The following ZNF345 variants were observed in gnomAD, a reference collection of about 807,000 sequenced individuals.
The protein encoded by ZNF345 is zinc finger protein 345, also known as zinc finger protein HZF10.
For missense variants in ZNF345, 527 were observed against 589.9 expected (o/e 0.89, Z 1.10); for synonymous variants, 166 against 187.9 (o/e 0.88, Z 0.95).
chr19:36,879,272 A>G lies in ZNF345; in HGVS notation c.*975A>G, dbSNP rs1049667073. ...TTGTTTACTTTCCTTTTATAAAATT[A>G]TACTCTCCATTTTAGCAAAACAGCT... On this transcript the variant is annotated 3_prime_UTR_variant, in exon 3 of 3. Coordinates refer to ENST00000420450, the MANE Select transcript of ZNF345 (RefSeq NM_001242472.2). 1.2e-5 allele frequency: 2 copies of G among 167,100 alleles called. No homozygotes were observed. The highest frequency in any genetic ancestry group is 2.4e-5 in the African/African-American group (1 of 41,458). The allele number at this position is 167,100 out of a possible 1,614,324, so 10.4% of individuals were successfully genotyped here.
downstream of ZNF345, among the ~76,000 whole-genome samples, chr19:36,881,759 G>A (rs571074): frequency 0.24 from 36,317 of 151,964 alleles, 6,078 homozygotes; most frequent in African/African-American, 0.47. Context: ...CTTTAAATAT[G>A]AAACTAATTT....
In ZNF345 at chr19:36,872,926, T is replaced by C. The variant is rs796548809; in HGVS notation, c.-46-3859T>C. ...TTTTATCCTATTGACGATTTTTAAA[T>C]GGTGATTTTCAGGTTCCTCCGTTTC... is the stretch of plus-strand genomic sequence containing the variant. On this transcript the variant is annotated intron_variant, in intron 2 of 2. Transcript: ENST00000420450. 3.3e-5 allele frequency among the ~76,000 whole-genome samples: 5 copies of C among 149,288 alleles called. No individual in the cohort carries two copies. The East Asian group carries it at 9.6e-4, about 29-fold the overall frequency.
rs1180798537 is a variant in ZNF345, at chr19:36,877,685, T to G, written c.855T>G (p.Pro285=). The G allele has an allele frequency of 6.2e-7, 1 of 1,613,534 alleles. No homozygotes were observed. Among genetic ancestry groups the G allele is most frequent in the South Asian group, 1.1e-5 (1 of 91,042 alleles). The change falls in exon 3 of 3, where the codon CCT becomes CCG. Residue 285 remains proline, a synonymous_variant. Transcript: ENST00000420450. ...RHQRIHTGEK[P]YVCKECGKAF... ...AAAGAATTCATACTGGTGAGAAACC[T>G]TATGTATGTAAGGAATGTGGGAAGG...
chr19:36,858,759 CTG>C (rs1366662232), intron 2 of ZNF345, among the ~76,000 whole-genome samples: 1 of 152,032 alleles, frequency 6.6e-6, no homozygotes, highest in Non-Finnish European at 1.5e-5. Flanking sequence ...GAGTAAGATG[CTG>C]TCTCAAAAAA....
At chr19:36,861,174 C>A (rs1027953185) in intron 2 of ZNF345, among the ~76,000 whole-genome samples, 8 of 152,178 alleles carry the variant, frequency 5.3e-5, no homozygotes, top group Admixed American at 1.3e-4. Flanking sequence ...GTTCCTTTGA[C>A]TTGTCTCCAT....
intron 3 of ZNF345, among the ~76,000 whole-genome samples, chr19:36,885,660 C>CCCG (rs972781040): frequency 2.9e-4 from 44 of 151,992 alleles, no homozygotes; most frequent in African/African-American, 9.2e-4. Context: ...TCACATCTTG[C>CCCG]CTGGGATTAC....
intron 2 of ZNF345, among the ~76,000 whole-genome samples, chr19:36,868,603 C>T (rs117018981): frequency 1.3e-5 from 2 of 149,962 alleles, no homozygotes; most frequent in Non-Finnish European, 3.0e-5. Context: ...GTACCCATTG[C>T]AGTTCCACAT....
chr19:36,859,907 C>A (rs2072509103), intron 2 of ZNF345, among the ~76,000 whole-genome samples: 1 of 151,486 alleles, frequency 6.6e-6, no homozygotes, highest in East Asian at 1.9e-4. Flanking sequence ...CACAGACACA[C>A]CCTACACACA....
chr19:36,866,849 C>T (rs1437849487), intron 2 of ZNF345, among the ~76,000 whole-genome samples: 5 of 152,182 alleles, frequency 3.3e-5, no homozygotes, highest in African/African-American at 1.2e-4. Context: ...CCGCACCTGG[C>T]CCATGTTGAA....
At chr19:36,862,632 C>G (rs1248929324) in intron 2 of ZNF345, among the ~76,000 whole-genome samples, 1 of 145,718 alleles carries the variant, frequency 6.9e-6, no homozygotes, top group African/African-American at 2.6e-5. Flanking sequence ...CCACTGCATT[C>G]CAACCTGGGC....
Position 36,878,280 on chromosome 19 carries a change from T to C in ZNF345, c.1450T>C (p.Leu484=), listed in dbSNP as rs525345. 4.8e-3 allele frequency: 7,503 copies of C among 1,570,574 alleles called. 303 individuals carry two copies. In the African/African-American group the frequency reaches 0.091, roughly 19 times the overall value. ...KSHNGKKLCE[L]ETIN The stretch of plus-strand genomic sequence containing the variant: ...TCATAATGGTAAGAAACTCTGCGAA[T>C]TGGAAACTATAAATTGAAATTATGT... The change falls in exon 3 of 3, where the codon TTG becomes CTG. Residue 484 remains leucine, a synonymous_variant. Coordinates refer to ENST00000420450, the MANE Select transcript of ZNF345 (RefSeq NM_001242472.2).
downstream of ZNF345, among the ~76,000 whole-genome samples, chr19:36,884,074 A>T (rs1174567117): frequency 1.4e-4 from 21 of 150,496 alleles, no homozygotes; most frequent in Admixed American, 1.3e-3. Flanking sequence ...ATTTATTTTT[A>T]TTTTTTTTGA....
intron 2 of ZNF345, among the ~76,000 whole-genome samples, chr19:36,865,837 C>T (rs974567584): frequency 6.6e-6 from 1 of 152,156 alleles, no homozygotes; most frequent in African/African-American, 2.4e-5. Context: ...AGGAAATTAC[C>T]TTCCACTCAT....
chr19:36,886,513 C>T (rs187917015), intron 3 of ZNF345, among the ~76,000 whole-genome samples: 79 of 152,306 alleles, frequency 5.2e-4, no homozygotes, highest in Non-Finnish European at 9.1e-4. Flanking sequence ...GAACATTCTA[C>T]GCTATACTGA....
In ZNF345 at chr19:36,878,095, G is replaced by T. The variant is rs924355020; in HGVS notation, c.1265G>T (p.Gly422Val). ...ALNRHQRIHT[G>V]EKPYECKECG... ...AATCGGCACCAGAGAATACACACTG[G>T]TGAGAAACCCTATGAATGTAAGGAG... The change falls in exon 3 of 3, where the codon GGT (glycine) becomes GTT (valine). Residue 422 changes from glycine to valine, a missense_variant. By Grantham distance (109) the Gly-to-Val change is moderately radical. Transcript: ENST00000420450. 1.2e-6 allele frequency: 2 copies of T among 1,613,958 alleles called. No homozygotes were observed. Among genetic ancestry groups the T allele is most frequent in the Admixed American group, 1.7e-5 (1 of 60,006 alleles).
intron 2 of ZNF345, among the ~76,000 whole-genome samples, chr19:36,867,012 G>A (rs541340468): frequency 5.1e-4 from 78 of 152,278 alleles, no homozygotes; most frequent in African/African-American, 1.8e-3. Context: ...TGTAGTGGAT[G>A]TTTTACCTAG....
intron 2 of ZNF345, among the ~76,000 whole-genome samples, chr19:36,856,867 A>T (rs2072430253): frequency 6.6e-6 from 1 of 150,738 alleles, no homozygotes; most frequent in African/African-American, 2.4e-5. Flanking sequence ...AAAAAAAAAG[A>T]TTGCTGTATT....
chr19:36,875,140 A>G (rs2072857222), intron 2 of ZNF345, among the ~76,000 whole-genome samples: 1 of 152,138 alleles, frequency 6.6e-6, no homozygotes, highest in Non-Finnish European at 1.5e-5. Context: ...ATTGTAGCAG[A>G]CAGAGGTTAA....
chr19:36,892,318 C>T (rs770593952), intron 3 of ZNF345: 1 of 1,613,814 alleles, frequency 6.2e-7, no homozygotes, highest in East Asian at 2.2e-5. Flanking sequence ...ACATATCTTA[C>T]ATTCCCATGG....
Sources: gnomAD v4.1 joint callset for allele counts (sites outside exome capture counted in the v4.1 genomes callset) on GRCh38, gnomAD v4.1.1 for gene constraint, MANE v1.5 for transcripts, NCBI Gene and HGNC (gene_info 2026-07-23, HGNC 2026-07-21) for gene names.